Variants in GNAL observed in about 807,000 individuals in gnomAD.
GNAL encodes the protein guanine nucleotide-binding protein G(olf) subunit alpha.
Under a neutral mutation model 55.1 loss-of-function variants are expected in GNAL, and 18 were observed. The ratio of observed to expected loss-of-function variants is 0.33; its 90% CI spans 0.23 to 0.48. GNAL has a LOEUF of 0.48. Among genes scored for constraint, GNAL ranks in the 20% least tolerant of loss-of-function variants. The pLI, the probability that GNAL is intolerant of heterozygous loss-of-function variation, is 0.99. For missense variants in GNAL, 412 were observed against 614.1 expected, an observed-to-expected ratio of 0.67 and a Z score of 3.48; for synonymous variants, 253 against 237.0, an observed-to-expected ratio of 1.07 and a Z score of -0.62.
chr18:11,807,691 G>A (rs1366647958), intron 4 of GNAL, among the ~76,000 whole-genome samples: 1 of 152,194 alleles, frequency 6.6e-6, no homozygotes, highest in Non-Finnish European at 1.5e-5. Flanking sequence ...TGTCCATTTG[G>A]AGTCACTAGT....
At chr18:11,852,454 T>G (rs1478274207) in intron 5 of GNAL, 2 of 263,336 alleles carry the variant, frequency 7.6e-6, no homozygotes, top group Non-Finnish European at 1.6e-5. Context: ...TTGGTTTTTA[T>G]TATTATTTAG....
At chr18:11,851,603 C>T (rs1189119978) in intron 5 of GNAL, 2 of 1,613,576 alleles carry the variant, frequency 1.2e-6, no homozygotes, top group South Asian at 1.1e-5. Context: ...GAGGAAAAGG[C>T]CGAAAAGGCC....
At chr18:11,741,536 G>C (rs962337048) in intron 1 of GNAL, among the ~76,000 whole-genome samples, 1 of 152,170 alleles carries the variant, frequency 6.6e-6, no homozygotes, top group Non-Finnish European at 1.5e-5. Context: ...CTCTCAACTA[G>C]ACTATTAAAT....
chr18:11,767,413 C>T (rs1366473077), intron 4 of GNAL, among the ~76,000 whole-genome samples: 1 of 151,634 alleles, frequency 6.6e-6, no homozygotes, highest in East Asian at 1.9e-4. Flanking sequence ...TATACTTGTA[C>T]CCCTGCCGCT....
At chr18:11,742,019 A>G (rs1465602839) in intron 1 of GNAL, among the ~76,000 whole-genome samples, 1 of 152,140 alleles carries the variant, frequency 6.6e-6, no homozygotes, top group Non-Finnish European at 1.5e-5. Flanking sequence ...GTTAAACACT[A>G]ACTCCTCATT....
chr18:11,796,995 C>G (rs995912632), intron 4 of GNAL, among the ~76,000 whole-genome samples: 1 of 152,172 alleles, frequency 6.6e-6, no homozygotes, highest in Admixed American at 6.5e-5. Context: ...CACTGTGCCA[C>G]CCAGGCTGGA....
chr18:11,780,289 G>A (rs1196084545), intron 4 of GNAL, among the ~76,000 whole-genome samples: 3 of 151,656 alleles, frequency 2.0e-5, no homozygotes, highest in African/African-American at 7.3e-5. Flanking sequence ...CTTTTCCTGT[G>A]TGCTGTGTTT....
chr18:11,788,914 A>AAAAAAAAAAAAATATATAT (rs60071996), intron 4 of GNAL, among the ~76,000 whole-genome samples: 1 of 56,300 alleles, frequency 1.8e-5, no homozygotes, highest in African/African-American at 1.0e-4. Flanking sequence ...AAAAAAAAAA[A>AAAAAAAAAAAAATATATAT]ATATATATAT....
chr18:11,700,960 A>G (rs1381240283), intron 1 of GNAL, among the ~76,000 whole-genome samples: 1 of 152,232 alleles, frequency 6.6e-6, no homozygotes, highest in Non-Finnish European at 1.5e-5. Flanking sequence ...TTACTCACCA[A>G]CTGCAAACAT....
At chr18:11,851,637 G>A (rs766100753) in intron 5 of GNAL, 15 of 1,614,016 alleles carry the variant, frequency 9.3e-6, no homozygotes, top group Non-Finnish European at 1.2e-5. Flanking sequence ...CCATTCAGAA[G>A]GGCAACATGG....
At position 11,881,032 on chromosome 18, in the gene GNAL, C is replaced by T. The variant is rs756685510; in HGVS notation, c.1274C>T (p.Pro425Leu). ...GGTGACGGCAAACATTACTGCTACC[C>T]GCACTTCACCTGCGCCGTGGACACA... Reference protein sequence around the residue: ...ATGDGKHYCYPHFTCAVDTEN... With the variant: ...ATGDGKHYCYLHFTCAVDTEN... Residue 425 changes from proline to leucine, a missense_variant, in exon 12 of 12, where the codon CCG (proline) becomes CTG (leucine). Coordinates refer to ENST00000334049, the MANE Select transcript of GNAL (RefSeq NM_182978.4). This position sits in a 1 kb window ranked among gnomAD's most constrained non-coding sequence, Gnocchi z 4.8. 1 of 1,614,108 alleles carries T rather than the reference C, an allele frequency of 6.2e-7. No homozygotes were observed. The highest frequency in any genetic ancestry group is 8.5e-7 in the Non-Finnish European group (1 of 1,179,974).
intron 11 of GNAL, 46 bp from the exon 12 acceptor site, chr18:11,880,943 A>C: frequency 6.3e-7 from 1 of 1,586,810 alleles, no homozygotes; most frequent in Non-Finnish European, 8.6e-7. Context: ...TCCCCAGAGT[A>C]CATGCTGGGG....
At chr18:11,706,006 C>T (rs991985763) in intron 1 of GNAL, among the ~76,000 whole-genome samples, 6 of 152,198 alleles carry the variant, frequency 3.9e-5, no homozygotes, top group Admixed American at 6.5e-5. Context: ...CTGCCCACCT[C>T]GGCCTTTCAA....
intron 4 of GNAL, among the ~76,000 whole-genome samples, chr18:11,821,162 A>C (rs1448083121): frequency 6.6e-6 from 1 of 152,216 alleles, no homozygotes; most frequent in Admixed American, 6.5e-5. Context: ...ACCTGTGGGA[A>C]TCCTCATGAG....
At chr18:11,858,004 T>A (rs1248268404) in intron 5 of GNAL, among the ~76,000 whole-genome samples, 1 of 152,216 alleles carries the variant, frequency 6.6e-6, no homozygotes, top group Non-Finnish European at 1.5e-5. Flanking sequence ...ACATGGAAAT[T>A]CAGTTGGTAC....
intron 5 of GNAL, among the ~76,000 whole-genome samples, chr18:11,829,157 C>T (rs1342730126): frequency 6.6e-6 from 1 of 152,248 alleles, no homozygotes; most frequent in Admixed American, 6.5e-5. Context: ...CCCTTCTAGG[C>T]TTGTCAGGAA....
At chr18:11,787,045 G>A (rs2034082542) in intron 4 of GNAL, among the ~76,000 whole-genome samples, 1 of 152,064 alleles carries the variant, frequency 6.6e-6, no homozygotes, top group Non-Finnish European at 1.5e-5. Flanking sequence ...TTTGAGACCA[G>A]CCTGGGCAAC....
rs140774684 is a variant in GNAL, at chr18:11,722,613, G to A, written c.377-30240G>A. Among the ~76,000 whole-genome samples the A allele has an allele frequency of 7.7e-3, 1,166 of 152,302 alleles. 13 individuals carry two copies. The highest frequency in any genetic ancestry group is 0.026 in the African/African-American group (1,090 of 41,550). ...TGGCTGGGTGCGGTGGCTGACACCTGTAATCCCAGCAATTTGGGAGGCCAA... is the reference window on the plus strand; with the variant it reads ...TGGCTGGGTGCGGTGGCTGACACCTATAATCCCAGCAATTTGGGAGGCCAA... On this transcript the variant is annotated intron_variant, in intron 1 of 11. Coordinates refer to ENST00000334049, the MANE Select transcript of GNAL (RefSeq NM_182978.4).
chr18:11,848,352 C>G (rs2035782836), intron 5 of GNAL, among the ~76,000 whole-genome samples: 1 of 152,158 alleles, frequency 6.6e-6, no homozygotes, highest in South Asian at 2.1e-4. Flanking sequence ...GGAACTCCAC[C>G]TATACCTTCT....
Sources: gnomAD v4.1 joint callset for allele counts (sites outside exome capture counted in the v4.1 genomes callset) on GRCh38, gnomAD v4.1.1 for gene constraint, Gnocchi (gnomAD v3.1) non-coding constraint, MANE v1.5 for transcripts, NCBI Gene and HGNC (gene_info 2026-07-23, HGNC 2026-07-21) for gene names.